The following PDE3A variants were observed in gnomAD, a reference collection of about 807,000 sequenced individuals.
PDE3A encodes cGMP-inhibited 3',5'-cyclic phosphodiesterase 3A.
A neutral mutation model predicts 98.3 loss-of-function variants in PDE3A; 43 were observed. That is an observed-to-expected ratio of 0.44 (90% CI 0.34 to 0.56). The LOEUF (loss-of-function observed/expected upper bound fraction) is 0.56. Among genes scored for constraint, PDE3A ranks in the 20% least tolerant of loss-of-function variants. PDE3A has a pLI of 0.01. For synonymous variants in PDE3A, 663 were observed against 567.9 expected (o/e 1.17, Z -2.38); for missense variants, 1,427 against 1,440.7 (o/e 0.99, Z 0.15).
At chr12:20,563,225 T>C (rs1942574748) in intron 2 of PDE3A, among the ~76,000 whole-genome samples, 1 of 152,238 alleles carries the variant, frequency 6.6e-6, no homozygotes, top group African/African-American at 2.4e-5. Context: ...ACTAATGGCC[T>C]GATGCAGTGA....
At chr12:20,622,133 A>C (rs1353313238) in intron 5 of PDE3A, among the ~76,000 whole-genome samples, 1 of 152,072 alleles carries the variant, frequency 6.6e-6, no homozygotes, top group Admixed American at 6.6e-5. Flanking sequence ...AGAGTTCATC[A>C]AATGGTTAAA....
chr12:20,623,628 T>A (rs778038782), intron 5 of PDE3A, among the ~76,000 whole-genome samples: 10 of 149,822 alleles, frequency 6.7e-5, no homozygotes, highest in African/African-American at 1.7e-4. Flanking sequence ...CTAAAGGAAT[T>A]TATGATGGAT....
At chr12:20,587,639 C>T (rs755757474) in intron 2 of PDE3A, among the ~76,000 whole-genome samples, 9 of 152,082 alleles carry the variant, frequency 5.9e-5, no homozygotes, top group Non-Finnish European at 1.2e-4. Flanking sequence ...ATTTCAACTT[C>T]GGAAAATATA....
intron 3 of PDE3A, among the ~76,000 whole-genome samples, chr12:20,616,002 G>A (rs1485879748): frequency 2.0e-5 from 3 of 152,094 alleles, no homozygotes; most frequent in African/African-American, 7.2e-5. Context: ...GGAATTACAG[G>A]CGTGAGCCAC....
chr12:20,569,633 T>C (rs915114517), intron 2 of PDE3A, among the ~76,000 whole-genome samples: 2 of 152,198 alleles, frequency 1.3e-5, no homozygotes, highest in Non-Finnish European at 2.9e-5. Context: ...AGCTAATGTA[T>C]GAATGATAGA....
chr12:20,422,084 C>T (rs531665125), intron 1 of PDE3A, among the ~76,000 whole-genome samples: 20 of 152,304 alleles, frequency 1.3e-4, no homozygotes, highest in South Asian at 8.3e-4. Flanking sequence ...CAATGGCTCA[C>T]GCCTGTAATC....
Position 20,537,849 on chromosome 12 carries a change from TAAA to T in PDE3A, c.961-18795_961-18793del, listed in dbSNP as rs33973053. On this transcript the variant is annotated intron_variant, in intron 1 of 15. Transcript: ENST00000359062. ...TTGTAGGACTATCTGCCTTTGTTCT[TAAA>T]AAAAAAAAAAAAAAACTTGTGAGAG... Among the ~76,000 whole-genome samples the T allele has an allele frequency of 3.2e-3, 463 of 145,156 alleles. 2 individuals carry two copies. The highest frequency in any genetic ancestry group is 7.0e-3 in the Middle Eastern group (2 of 284).
chr12:20,659,286 CTG>C (rs993949459), intron 15 of PDE3A, among the ~76,000 whole-genome samples: 1 of 151,900 alleles, frequency 6.6e-6, no homozygotes, highest in African/African-American at 2.4e-5. Context: ...TTTTTATTCA[CTG>C]TGTTTTAAAA....
intron 1 of PDE3A, among the ~76,000 whole-genome samples, chr12:20,461,976 C>T (rs1262012853): frequency 6.6e-6 from 1 of 152,086 alleles, no homozygotes; most frequent in East Asian, 1.9e-4. Context: ...GATGAAGTGA[C>T]GAAGCACTTC....
rs1171309278 is a variant in PDE3A, at chr12:20,687,007, C to G, written c.*6736C>G. On this transcript the variant is annotated 3_prime_UTR_variant, in exon 16 of 16. Transcript: ENST00000359062. Reference sequence around the variant, plus strand: ...ATGACTTCCTTTATGACAAGGAGCACTTATACATGTTTCCAAATGTGAATT... The same window carrying G: ...ATGACTTCCTTTATGACAAGGAGCAGTTATACATGTTTCCAAATGTGAATT... Among the ~76,000 whole-genome samples the G allele has an allele frequency of 6.6e-6, 1 of 152,074 alleles. No homozygotes were observed. The highest frequency in any genetic ancestry group is 1.5e-5 in the Non-Finnish European group (1 of 67,970).
chr12:20,660,787 A>G (rs1371134260), intron 15 of PDE3A, among the ~76,000 whole-genome samples: 5 of 152,158 alleles, frequency 3.3e-5, no homozygotes, highest in Non-Finnish European at 7.3e-5. Flanking sequence ...TGAGTGCTCA[A>G]TTAAACCTCT....
At chr12:20,649,251 G>A (rs1360942164) in intron 13 of PDE3A, among the ~76,000 whole-genome samples, 1 of 151,932 alleles carries the variant, frequency 6.6e-6, no homozygotes, top group Non-Finnish European at 1.5e-5. Context: ...TCATTTTATA[G>A]ACACATTGAA....
chr12:20,402,058 G>T (rs1427390860), intron 1 of PDE3A, among the ~76,000 whole-genome samples: 2 of 152,198 alleles, frequency 1.3e-5, no homozygotes, highest in Non-Finnish European at 2.9e-5. Flanking sequence ...TATCTGTGGA[G>T]CTTTGTGGAT....
intron 2 of PDE3A, among the ~76,000 whole-genome samples, chr12:20,590,244 C>A (rs919664941): frequency 1.3e-5 from 2 of 151,704 alleles, no homozygotes; most frequent in Non-Finnish European, 2.9e-5. Flanking sequence ...CTTTCTGATT[C>A]GGCTTCAGGG....
Position 20,369,561 on chromosome 12 carries a change from AAGG to A in PDE3A, c.281_283del (p.Glu94del). ...GGTCGGCTGTGACCTGGAGCAGTGT[AAGG>A]AGGCGGCGGCGGCGGAGGAGGAGGA... On this transcript the variant is annotated inframe_deletion, in exon 1 of 16. Coordinates refer to ENST00000359062, the MANE Select transcript of PDE3A (RefSeq NM_000921.5). The A allele has an allele frequency of 6.4e-7, 1 of 1,556,926 alleles. No individual in the cohort carries two copies. Among genetic ancestry groups the A allele is most frequent in the Non-Finnish European group, 8.7e-7 (1 of 1,151,624 alleles).
intron 1 of PDE3A, among the ~76,000 whole-genome samples, chr12:20,485,744 T>G (rs1945716300): frequency 1.3e-5 from 2 of 152,246 alleles, no homozygotes; most frequent in African/African-American, 4.8e-5. Context: ...TTGTATTTAC[T>G]TATATACTTA....
chr12:20,463,564 G>A (rs1041711592), intron 1 of PDE3A, among the ~76,000 whole-genome samples: 3 of 151,906 alleles, frequency 2.0e-5, no homozygotes, highest in Admixed American at 2.0e-4. Context: ...TATATCAAAA[G>A]GTATTATTTT....
intron 6 of PDE3A, 101 bp from the exon 7 acceptor site, chr12:20,633,591 AT>A: frequency 1.9e-6 from 1 of 538,600 alleles, no homozygotes. Flanking sequence ...AGGTAGAAAT[AT>A]TTGACTATTG....
At chr12:20,525,474 G>A (rs148247441) in intron 1 of PDE3A, among the ~76,000 whole-genome samples, 13 of 146,988 alleles carry the variant, frequency 8.8e-5, no homozygotes, top group Non-Finnish European at 1.5e-4. Context: ...GGTTGGGGGG[G>A]GGGGCTTTTG....
Sources: gnomAD v4.1 joint callset for allele counts (sites outside exome capture counted in the v4.1 genomes callset) on GRCh38, gnomAD v4.1.1 for gene constraint, MANE v1.5 for transcripts, NCBI Gene and HGNC (gene_info 2026-07-23, HGNC 2026-07-21) for gene names.